The following ARAP2 variants were observed in gnomAD, a reference collection of about 807,000 sequenced individuals.
ARAP2 encodes arf-GAP with Rho-GAP domain, ANK repeat and PH domain-containing protein 2.
A neutral mutation model predicts 194.5 loss-of-function variants in ARAP2; 148 were observed. The observed-to-expected ratio is 0.76, with a 90% CI of 0.67 to 0.87. The LOEUF is 0.87. ARAP2 is among the 40% of genes least tolerant of loss of function. The pLI is 0.00. For synonymous variants in ARAP2, 695 were observed against 683.5 expected (o/e 1.02, Z -0.26); for missense variants, 2,128 against 1,989.7 (o/e 1.07, Z -1.32).
intron 27 of ARAP2, among the ~76,000 whole-genome samples, chr4:36,095,479 G>A (rs1179185520): frequency 1.3e-5 from 2 of 152,104 alleles, no homozygotes; most frequent in East Asian, 1.9e-4. Context: ...TTGAAGACTA[G>A]CAGAAATAAA....
chr4:36,030,797 G>GTTT (rs34777330), intron 5 of ARAP2, among the ~76,000 whole-genome samples: 2 of 16,092 alleles, frequency 1.2e-4, no homozygotes, highest in African/African-American at 1.0e-4. Flanking sequence ...CATTGTCTAC[G>GTTT]TTTTTTTTTT....
chr4:36,219,057 G>C (rs1748603098), intron 2 of ARAP2, among the ~76,000 whole-genome samples: 1 of 152,116 alleles, frequency 6.6e-6, no homozygotes, highest in Admixed American at 6.5e-5. Context: ...GTATCTACAT[G>C]GCTAACAAAA....
At chr4:36,155,650 TA>T (rs982373958) in intron 15 of ARAP2, among the ~76,000 whole-genome samples, 3 of 147,588 alleles carry the variant, frequency 2.0e-5, no homozygotes, top group Non-Finnish European at 3.0e-5. Context: ...ATTTTTTATT[TA>T]TTTTTTTTTT....
intron 5 of ARAP2, among the ~76,000 whole-genome samples, chr4:36,020,197 T>C (rs1026207247): frequency 6.6e-6 from 1 of 152,138 alleles, no homozygotes; most frequent in African/African-American, 2.4e-5. Context: ...GATCAGCTGC[T>C]GTCAGGAGTT....
chr4:36,229,109 A>AT lies in ARAP2; in HGVS notation c.377dup (p.Asn126LysfsTer3). The stretch of plus-strand genomic sequence containing the variant: ...CCACACTTGCATCACTGTCTTCAAG[A>AT]TTTTTTCTAACAGTCTCCAACTGCG... On this transcript the variant is annotated frameshift_variant, in exon 2 of 33. Coordinates refer to ENST00000303965, the MANE Select transcript of ARAP2 (RefSeq NM_015230.4). LOFTEE classifies it high-confidence loss of function. 2 of 1,613,976 alleles carry AT rather than the reference A, an allele frequency of 1.2e-6. No individual in the cohort carries two copies. Among genetic ancestry groups the AT allele is most frequent in the Non-Finnish European group, 1.7e-6 (2 of 1,179,972 alleles).
chr4:36,096,852 AC>A (rs1271337890), intron 27 of ARAP2, among the ~76,000 whole-genome samples: 1 of 152,144 alleles, frequency 6.6e-6, no homozygotes, highest in Non-Finnish European at 1.5e-5. Context: ...CATTGTATGG[AC>A]TTGGTCATAT....
At position 36,158,737 on chromosome 4, in the gene ARAP2, C is replaced by T; in HGVS notation, c.2745G>A (p.Leu915=). 1 of 1,599,678 alleles carries T rather than the reference C, an allele frequency of 6.3e-7. No individual in the cohort carries two copies. The highest frequency in any genetic ancestry group is 8.5e-7 in the Non-Finnish European group (1 of 1,175,676). Residue 915 remains leucine (L), a synonymous_variant, in exon 15 of 33, where the codon CTG becomes CTA. Coordinates refer to ENST00000303965, the MANE Select transcript of ARAP2 (RefSeq NM_015230.4). ...AAAGAAGAGAAAAAATACCTTCAAG[C>T]AGTTTTTTCTCTGAAGAGAGTTTAG... ...AASKLSSEKK[L]LEETNKKWCV... is the part of the protein sequence containing the mutation.
chr4:36,037,680 G>A (rs1039221087), intron 5 of ARAP2, among the ~76,000 whole-genome samples: 8 of 152,002 alleles, frequency 5.3e-5, no homozygotes, highest in Non-Finnish European at 1.0e-4. Context: ...GGAGGGGCTG[G>A]TATCATTGGT....
Position 36,211,754 on chromosome 4 carries a change from G to A in ARAP2, c.1133+642C>T, listed in dbSNP as rs183547399. Among the ~76,000 whole-genome samples the A allele has an allele frequency of 4.8e-3, 728 of 152,114 alleles. 9 individuals are homozygous for A. The highest frequency in any genetic ancestry group is 0.017 in the African/African-American group (688 of 41,524). ...GAATGCTTTGGGGGATGAATATTCC[G>A]TTTTCCATGATGTGATTATATTATG... On this transcript the variant is annotated intron_variant, in intron 5 of 32. Transcript: ENST00000303965.
At position 36,091,916 on chromosome 4, in the gene ARAP2, G is replaced by A. The variant is rs1713768734; in HGVS notation, c.4390C>T (p.Arg1464Ter). 8 of 1,606,726 alleles carry A rather than the reference G, an allele frequency of 5.0e-6. No homozygotes were observed. Among genetic ancestry groups the A allele is most frequent in the African/African-American group, 1.3e-5 (1 of 74,932 alleles). ...TTGTAAAGAAAGAGAAACCCATCTC[G>A]TAAAACAAAATACCGGTCTTGAAAC... The part of the protein sequence containing the change: ...NKFQDRYFVL[R>*]DGFLFLYKDV... Residue 1464 changes from arginine (R) to a stop codon, truncating the protein, a stop_gained, in exon 28 of 33, where the codon CGA (arginine) becomes TGA (stop). Transcript: ENST00000303965. LOFTEE classifies it high-confidence loss of function.
intron 28 of ARAP2, among the ~76,000 whole-genome samples, chr4:36,084,098 G>A (rs1459207078): frequency 6.6e-6 from 1 of 152,010 alleles, no homozygotes; most frequent in Non-Finnish European, 1.5e-5. Context: ...TGCACTGTTG[G>A]CTTCCTTACT....
At chr4:36,168,321 A>G (rs1243069814) in intron 9 of ARAP2, among the ~76,000 whole-genome samples, 1 of 152,198 alleles carries the variant, frequency 6.6e-6, no homozygotes, top group African/African-American at 2.4e-5. Flanking sequence ...TTAGAACTTC[A>G]CAATCCTAGA....
At chr4:36,122,773 A>C (rs1414366626) in intron 22 of ARAP2, among the ~76,000 whole-genome samples, 1 of 151,790 alleles carries the variant, frequency 6.6e-6, no homozygotes, top group Non-Finnish European at 1.5e-5. Context: ...AAAAAAAACC[A>C]AAACAACTCC....
At chr4:36,209,890 CTGTG>C (rs1746357336) in intron 6 of ARAP2, among the ~76,000 whole-genome samples, 1 of 152,140 alleles carries the variant, frequency 6.6e-6, no homozygotes, top group Admixed American at 6.6e-5. Context: ...CTCTGACCTT[CTGTG>C]TAACATACAA....
At chr4:36,243,064 T>C (rs1237742069) in intron 1 of ARAP2, among the ~76,000 whole-genome samples, 7 of 151,866 alleles carry the variant, frequency 4.6e-5, no homozygotes, top group Non-Finnish European at 1.0e-4. Flanking sequence ...ATATTTCTCC[T>C]GTAAGTGTAT....
Position 36,083,436 on chromosome 4 carries a change from G to T in ARAP2, c.4440C>A (p.Asp1480Glu), listed in dbSNP as rs745842472. Residue 1480 changes from aspartate (D) to glutamate (E), a missense_variant, in exon 29 of 33, where the codon GAC (aspartate) becomes GAA (glutamate). Asp to Glu is a conservative substitution (Grantham distance 45, BLOSUM62 2). Transcript: ENST00000303965. ...TCATGGAACTGAGAGAAAACATCTT[G>T]TCATGTTTACTACTCTGTAAGGTAA... The part of the protein sequence containing the change: ...LYKDVKSSKH[D>E]KMFSLSSMKF... The T allele has an allele frequency of 6.2e-7, 1 of 1,600,914 alleles. No homozygotes were observed. Among genetic ancestry groups the T allele is most frequent in the South Asian group, 1.1e-5 (1 of 88,884 alleles).
chr4:36,117,700 A>G (rs1484786215), intron 24 of ARAP2, among the ~76,000 whole-genome samples: 1 of 151,696 alleles, frequency 6.6e-6, no homozygotes, highest in Non-Finnish European at 1.5e-5. Flanking sequence ...AAAGAAAAAT[A>G]AAAGTGAGGT....
Position 36,025,800 on chromosome 4 carries a change from A to C in ARAP2, n.608-6514T>G, listed in dbSNP as rs563326428. Among the ~76,000 whole-genome samples the C allele has an allele frequency of 4.6e-5, 7 of 152,238 alleles. No individual in the cohort carries two copies. In the East Asian group the frequency reaches 1.4e-3, roughly 29 times the overall value. ...TACTCAGGAAAAAAATCAAAAAATG[A>C]TCATTATATTTCTATTCATGACTAA... On this transcript the variant is annotated intron_variant and non_coding_transcript_variant, in intron 5 of 12. Coordinates refer to the ARAP2 transcript ENST00000503225.
At position 36,188,176 on chromosome 4, in the gene ARAP2, G is replaced by A. The variant is rs144788092; in HGVS notation, c.1558-605C>T. On this transcript the variant is annotated intron_variant, in intron 7 of 32. Transcript: ENST00000303965. Reference sequence around the variant, plus strand: ...AATATTACAAATTTTGTTTAAAAAAGGTCATTCTTAAGACTTCGATAACTT... The same window carrying A: ...AATATTACAAATTTTGTTTAAAAAAAGTCATTCTTAAGACTTCGATAACTT... 3.0e-4 allele frequency among the ~76,000 whole-genome samples: 46 copies of A among 152,170 alleles called. 1 individual carries two copies. The highest frequency in any genetic ancestry group is 9.8e-4 in the Admixed American group (15 of 15,286).
Sources: allele counts gnomAD v4.1 joint callset (sites outside exome capture counted in the v4.1 genomes callset), GRCh38; gene constraint gnomAD v4.1.1; transcripts MANE v1.5; gene names NCBI Gene and HGNC (gene_info 2026-07-23, HGNC 2026-07-21).